The following OR2T6 variants were observed in gnomAD, a reference collection of about 807,000 sequenced individuals.
The protein encoded by OR2T6 is olfactory receptor family 2 subfamily T member 6.
For missense variants in OR2T6, 424 were observed against 391.6 expected (o/e 1.08, Z -0.70); for synonymous variants, 174 against 148.0 (o/e 1.18, Z -1.27).
At position 248,391,477 on chromosome 1, in the gene OR2T6, A is replaced by T. The variant is rs1661247995; in HGVS notation, c.*2942A>T. ...GTCTGGGGGAAGTATGGATGGATGG[A>T]CAGAGCACAGAGGACTTTTAGAGCA... On this transcript the variant is annotated 3_prime_UTR_variant, in exon 3 of 3. Coordinates refer to ENST00000641644, the MANE Select transcript of OR2T6 (RefSeq NM_001005471.2). 6.6e-6 allele frequency: 1 copy of T among 152,214 alleles called. No homozygotes were observed. The highest frequency in any genetic ancestry group is 1.5e-5 in the Non-Finnish European group (1 of 68,050). 9.4% of individuals were successfully genotyped at this position (152,214 alleles called of 1,614,324 possible).
At chr1:248,379,797 A>C (rs944866436) in intron 1 of OR2T6, among the ~76,000 whole-genome samples, 1 of 152,096 alleles carries the variant, frequency 6.6e-6, no homozygotes, top group African/African-American at 2.4e-5. Context: ...AATTTTGGGA[A>C]AGCAGAATTC....
intron 1 of OR2T6, among the ~76,000 whole-genome samples, chr1:248,380,775 T>C (rs1661015722): frequency 8.0e-6 from 1 of 124,380 alleles, no homozygotes; most frequent in Admixed American, 8.3e-5. Flanking sequence ...AGAATTCTAA[T>C]ATATTTTAGT....
chr1:248,387,486 A>T, intron 2 of OR2T6, 119 bp from the exon 3 acceptor site: 2 of 578,604 alleles, frequency 3.5e-6, no homozygotes, highest in Non-Finnish European at 5.5e-6. Flanking sequence ...AAAAAGTTTT[A>T]TATTAGCTAC....
intron 1 of OR2T6, among the ~76,000 whole-genome samples, chr1:248,379,692 A>G (rs1233645080): frequency 6.6e-6 from 1 of 151,318 alleles, no homozygotes; most frequent in Non-Finnish European, 1.5e-5. Context: ...ATATATTTAT[A>G]AAATAAATGA....
Position 248,391,339 on chromosome 1 carries a change from T to C in OR2T6, c.*2804T>C, listed in dbSNP as rs566047457. The C allele has an allele frequency of 1.3e-5, 2 of 152,290 alleles. No homozygotes were observed. The highest frequency in any genetic ancestry group is 3.9e-4 in the East Asian group (2 of 5,194). 9.4% of individuals were successfully genotyped at this position (152,290 alleles called of 1,614,324 possible). ...ACATGGAGGAAATTTAAATGTATAT[T>C]GTGAAGTGAAAGAAGCCAATCTGAA... is the stretch of plus-strand genomic sequence containing the variant. On this transcript the variant is annotated 3_prime_UTR_variant, in exon 3 of 3. Transcript: ENST00000641644.
intron 1 of OR2T6, among the ~76,000 whole-genome samples, chr1:248,384,413 A>G (rs1343261027): frequency 3.2e-5 from 2 of 62,616 alleles, no homozygotes; most frequent in Admixed American, 1.6e-4. Context: ...ATCATCATGG[A>G]GAAAGCACTG....
chr1:248,380,228 G>GTCT (rs994680678), intron 1 of OR2T6, among the ~76,000 whole-genome samples: 1 of 151,544 alleles, frequency 6.6e-6, no homozygotes, highest in African/African-American at 2.4e-5. Flanking sequence ...CTTTAAAATC[G>GTCT]TCTTCTTCAT....
At chr1:248,376,741 G>A (rs116203769) in intron 1 of OR2T6, among the ~76,000 whole-genome samples, 2,648 of 152,138 alleles carry the variant, frequency 0.017, 77 homozygotes, top group African/African-American at 0.06. Flanking sequence ...GAGGTTTGGG[G>A]TGTAAATGAT....
In OR2T6 at chr1:248,391,190, T is replaced by C. The variant is rs964334029; in HGVS notation, c.*2655T>C. 1 of 152,222 alleles carries C rather than the reference T, an allele frequency of 6.6e-6. No individual in the cohort carries two copies. The highest frequency in any genetic ancestry group is 1.5e-5 in the Non-Finnish European group (1 of 68,040). 9.4% of individuals were successfully genotyped at this position (152,222 alleles called of 1,614,324 possible). ...ACTTATGTTCACAGTAGATTTTTCATACATTCCAAAACATAGACTTAATCA... is the reference window on the plus strand; with the variant it reads ...ACTTATGTTCACAGTAGATTTTTCACACATTCCAAAACATAGACTTAATCA... On this transcript the variant is annotated 3_prime_UTR_variant, in exon 3 of 3. Coordinates refer to ENST00000641644, the MANE Select transcript of OR2T6 (RefSeq NM_001005471.2).
Position 248,391,717 on chromosome 1 carries a change from G to A in OR2T6, c.*3182G>A, listed in dbSNP as rs61832943. ...ATGTTAACAATAGGGAAAAGAGAGG[G>A]GATATATAAAAACTTTCTGAACTAT... On this transcript the variant is annotated 3_prime_UTR_variant, in exon 3 of 3. Coordinates refer to ENST00000641644, the MANE Select transcript of OR2T6 (RefSeq NM_001005471.2). The A allele has an allele frequency of 6.6e-6, 1 of 151,978 alleles. No individual in the cohort carries two copies. Among genetic ancestry groups the A allele is most frequent in the Non-Finnish European group, 1.5e-5 (1 of 67,990 alleles). 9.4% of individuals were successfully genotyped at this position (151,978 alleles called of 1,614,324 possible).
chr1:248,386,063 A>G (rs181631110), intron 2 of OR2T6, among the ~76,000 whole-genome samples: 1 of 152,148 alleles, frequency 6.6e-6, no homozygotes, highest in Admixed American at 6.5e-5. Context: ...GAATTGAGCA[A>G]CCCCCTACTC....
At chr1:248,378,297 G>A (rs1391290124) in intron 1 of OR2T6, among the ~76,000 whole-genome samples, 2 of 152,116 alleles carry the variant, frequency 1.3e-5, no homozygotes, top group Admixed American at 1.3e-4. Context: ...CATTACTTTA[G>A]CATTTTTTCA....
chr1:248,386,028 A>G (rs529610294), intron 2 of OR2T6, among the ~76,000 whole-genome samples: 5 of 152,154 alleles, frequency 3.3e-5, no homozygotes, highest in Non-Finnish European at 5.9e-5. Context: ...AACCCCAAAC[A>G]AGCATTCTCA....
Position 248,384,630 on chromosome 1 carries a change from C to T in OR2T6, c.-158-81C>T, listed in dbSNP as rs142910717. On this transcript the variant is annotated intron_variant, in intron 1 of 2. Coordinates refer to ENST00000641644, the MANE Select transcript of OR2T6 (RefSeq NM_001005471.2). ...TTATCATCATGGAGAAAGCACTGCA[C>T]TAGCCTGAGTGTGTTCATCCTCTCC... 933 of 102,334 alleles carry T rather than the reference C, an allele frequency of 9.1e-3. 44 individuals are homozygous for T. Among genetic ancestry groups the T allele is most frequent in the African/African-American group, 0.026 (864 of 32,938 alleles). The allele number at this position is 102,334 out of a possible 1,614,324, so 6.3% of individuals were successfully genotyped here. A position where few individuals can be genotyped will look rare whatever the true frequency, so the allele number is the denominator to read the frequency against.
chr1:248,382,106 G>GA lies in OR2T6; in HGVS notation c.-158-2602dup, dbSNP rs1173378723. Among the ~76,000 whole-genome samples the GA allele has an allele frequency of 2.7e-5, 4 of 148,624 alleles. No individual in the cohort carries two copies. The East Asian group carries it at 7.8e-4, about 29-fold the overall frequency. On this transcript the variant is annotated intron_variant, in intron 1 of 2. Transcript: ENST00000641644. ...CGTGGCCACACAATTTGGTGGTGGA[G>GA]AAAGGGTCAAACCCAAGGAAATTCT... is the stretch of plus-strand genomic sequence containing the variant.
At chr1:248,379,720 T>A (rs928203177) in intron 1 of OR2T6, among the ~76,000 whole-genome samples, 2 of 152,094 alleles carry the variant, frequency 1.3e-5, no homozygotes, top group Non-Finnish European at 2.9e-5. Context: ...ATTCCATTTT[T>A]TTGTGTACAA....
At position 248,390,915 on chromosome 1, in the gene OR2T6, G is replaced by A. The variant is rs548881666; in HGVS notation, c.*2380G>A. 1 of 152,242 alleles carries A rather than the reference G, an allele frequency of 6.6e-6. No homozygotes were observed. The highest frequency in any genetic ancestry group is 1.9e-4 in the East Asian group (1 of 5,186). 9.4% of individuals were successfully genotyped at this position (152,242 alleles called of 1,614,324 possible). On this transcript the variant is annotated 3_prime_UTR_variant, in exon 3 of 3. Transcript: ENST00000641644. ...TTTTCTTGTAAGATTTTAAAATCAAGTAAAATGATGAATGTAATAAAACCT... is the reference window on the plus strand; with the variant it reads ...TTTTCTTGTAAGATTTTAAAATCAAATAAAATGATGAATGTAATAAAACCT...
chr1:248,379,910 A>C (rs1326365746), intron 1 of OR2T6, among the ~76,000 whole-genome samples: 3 of 152,102 alleles, frequency 2.0e-5, no homozygotes, highest in Non-Finnish European at 4.4e-5. Flanking sequence ...ACATGTGCAC[A>C]ACGTGCAGGT....
At chr1:248,384,293 G>C (rs1413876876) in intron 1 of OR2T6, among the ~76,000 whole-genome samples, 18 of 107,552 alleles carry the variant, frequency 1.7e-4, no homozygotes, top group Admixed American at 1.9e-4. Context: ...CACTGCACTA[G>C]CCTGAGTGTG....
Sources: allele counts gnomAD v4.1 joint callset (sites outside exome capture counted in the v4.1 genomes callset), GRCh38; gene constraint gnomAD v4.1.1; transcripts MANE v1.5; gene names NCBI Gene and HGNC (gene_info 2026-07-23, HGNC 2026-07-21).